KRT8: variants seen among roughly 807,000 people sequenced by gnomAD.
KRT8 encodes keratin 8.
Under a neutral mutation model 43.0 loss-of-function variants are expected in KRT8, and 24 were observed. The observed-to-expected ratio is 0.56, with a 90% CI of 0.40 to 0.78. KRT8 has a LOEUF of 0.78. Ranked by LOEUF, KRT8 falls within the 30% of genes least tolerant of loss-of-function variation. The pLI is 0.00. For synonymous variants in KRT8, 214 were observed against 261.2 expected, an observed-to-expected ratio of 0.82 and a Z score of 1.74; for missense variants, 492 against 638.4, an observed-to-expected ratio of 0.77 and a Z score of 2.47.
chr12:52,942,086 A>G (rs1052071638), intron 2 of KRT8, among the ~76,000 whole-genome samples: 1 of 152,048 alleles, frequency 6.6e-6, no homozygotes, highest in Admixed American at 6.6e-5. Context: ...CTTGATTATT[A>G]TTGTCTAGTT....
chr12:52,938,212 AGGCT>A (rs1942211317), intron 2 of KRT8, among the ~76,000 whole-genome samples: 1 of 127,546 alleles, frequency 7.8e-6, no homozygotes, highest in African/African-American at 3.0e-5. Context: ...TCTGTCGCCC[AGGCT>A]GGAGTGCAGG....
chr12:52,915,999 G>T (rs537334925), intron 2 of KRT8, among the ~76,000 whole-genome samples: 1 of 152,326 alleles, frequency 6.6e-6, no homozygotes, highest in Middle Eastern at 3.4e-3. Context: ...CTTAGATCAA[G>T]CTGAGCTTAG....
At chr12:52,949,460 A>G (rs951438333) in exon 2 of KRT8, 22 of 1,613,258 alleles carry the variant, frequency 1.4e-5, no homozygotes, top group Non-Finnish European at 1.8e-5. Context: ...TCTTACCTGG[A>G]CAGAGTGAGG....
chr12:52,897,714 G>A (rs1941250348), intron 7 of KRT8, 96 bp from the exon 8 acceptor site: 1 of 1,541,228 alleles, frequency 6.5e-7, no homozygotes, highest in African/African-American at 1.4e-5. Context: ...ATAGCCCCAG[G>A]GATGGGAGGT....
chr12:52,939,238 G>A (rs1178888096), intron 2 of KRT8, among the ~76,000 whole-genome samples: 1 of 152,152 alleles, frequency 6.6e-6, no homozygotes, highest in Non-Finnish European at 1.5e-5. Context: ...AGGCATGGTG[G>A]TTCACGCCTG....
chr12:52,901,553 G>C, intron 2 of KRT8: 1 of 558,566 alleles, frequency 1.8e-6, no homozygotes, highest in Non-Finnish European at 3.2e-6. Flanking sequence ...GGGCCAGAAT[G>C]TTAAGTACAA....
intron 2 of KRT8, among the ~76,000 whole-genome samples, chr12:52,940,625 A>AT (rs71092795): frequency 0.023 from 2,996 of 127,562 alleles, 46 homozygotes; most frequent in South Asian, 0.039. Context: ...AACACAGTGG[A>AT]TTTTTTTTTT....
At chr12:52,902,900 T>C (rs1479741857) in intron 1 of KRT8, among the ~76,000 whole-genome samples, 1 of 152,024 alleles carries the variant, frequency 6.6e-6, no homozygotes, top group African/African-American at 2.4e-5. Context: ...TAGTCCCAGC[T>C]ACTCGGGAGG....
At chr12:52,944,641 C>T (rs776016513) in intron 2 of KRT8, among the ~76,000 whole-genome samples, 2 of 152,214 alleles carry the variant, frequency 1.3e-5, no homozygotes, top group Non-Finnish European at 2.9e-5. Context: ...CTTCTCTGAG[C>T]TTCAGCGCCT....
At chr12:52,943,231 T>C (rs368741083) in intron 2 of KRT8, among the ~76,000 whole-genome samples, 2 of 152,130 alleles carry the variant, frequency 1.3e-5, no homozygotes, top group African/African-American at 4.8e-5. Context: ...GAAAGAAAAG[T>C]CTACATTTTG....
exon 5 of KRT8, chr12:52,899,941 T>C (rs757214437): frequency 6.8e-6 from 11 of 1,613,254 alleles, no homozygotes; most frequent in Admixed American, 3.3e-5. Context: ...CCGGCTGCGG[T>C]TGGCAATATC....
chr12:52,922,231 T>C (rs1329552787), intron 2 of KRT8, among the ~76,000 whole-genome samples: 1 of 119,754 alleles, frequency 8.4e-6, no homozygotes, highest in Non-Finnish European at 1.8e-5. Context: ...ATGTAGCAAA[T>C]GGGAGAGCCA....
intron 2 of KRT8, among the ~76,000 whole-genome samples, chr12:52,919,838 G>T (rs1185713143): frequency 1.3e-5 from 2 of 152,026 alleles, no homozygotes; most frequent in Non-Finnish European, 2.9e-5. Flanking sequence ...TAGTGAGACA[G>T]GGTTTCACCA....
At chr12:52,909,641 G>C (rs1414871290), upstream of KRT8, among the ~76,000 whole-genome samples, 1 of 152,196 alleles carries the variant, frequency 6.6e-6, no homozygotes, top group East Asian at 1.9e-4. Flanking sequence ...ACATGGAGAG[G>C]GACCTTGCTC....
chr12:52,930,439 T>A (rs982025246), intron 2 of KRT8, among the ~76,000 whole-genome samples: 1 of 152,258 alleles, frequency 6.6e-6, no homozygotes, highest in African/African-American at 2.4e-5. Context: ...CAGGCTGGTC[T>A]CGAACTCTCG....
intron 2 of KRT8, chr12:52,926,336 T>G: frequency 2.1e-5 from 8 of 385,512 alleles, no homozygotes; most frequent in Admixed American, 3.6e-5. Flanking sequence ...CTAGCTGCCC[T>G]CCCCACCCCA....
intron 1 of KRT8, 22 bp downstream of exon 1, chr12:52,904,636 G>A: frequency 2.5e-6 from 4 of 1,605,734 alleles, no homozygotes; most frequent in South Asian, 1.1e-5. Context: ...GGCACAGTCA[G>A]CCACGCAGGG....
chr12:52,900,725 C>T, intron 3 of KRT8, 42 bp from the exon 4 acceptor site: 1 of 1,384,654 alleles, frequency 7.2e-7, no homozygotes, highest in African/African-American at 1.4e-5. Context: ...GGTTTCCACA[C>T]CCAACCCCAA....
At position 52,929,266 on chromosome 12, in the gene KRT8, A is replaced by G. The variant is rs560505564; in HGVS notation, c.-47+20190T>C. Among the ~76,000 whole-genome samples the G allele has an allele frequency of 1.1e-3, 164 of 144,134 alleles. 1 individual carries two copies. Among genetic ancestry groups the G allele is most frequent in the African/African-American group, 3.9e-3 (151 of 38,348 alleles). 94.6% of individuals were successfully genotyped at this position (144,134 alleles called of 152,430 possible). ...AGCGGTATGATCTCGATCTCAGCTC[A>G]CTGCAATCTCCACCTCCCAGGCTGA... On this transcript the variant is annotated intron_variant, in intron 2 of 6. Coordinates refer to the KRT8 transcript ENST00000546826.
Sources: allele counts gnomAD v4.1 joint callset (sites outside exome capture counted in the v4.1 genomes callset), GRCh38; gene constraint gnomAD v4.1.1; transcripts MANE v1.5; gene names NCBI Gene and HGNC (gene_info 2026-07-23, HGNC 2026-07-21).